Variants in RASGRF2 observed in about 807,000 individuals in gnomAD.
The protein encoded by RASGRF2 is ras-specific guanine nucleotide-releasing factor 2.
A neutral mutation model predicts 151.0 loss-of-function variants in RASGRF2; 76 were observed. The observed-to-expected ratio is 0.50, with a 90% confidence interval of 0.42 to 0.61. RASGRF2 has a LOEUF of 0.61. Ranked by LOEUF, RASGRF2 falls within the 20% of genes least tolerant of loss-of-function variation. The probability of loss-of-function intolerance (pLI) is 0.00; values close to 1 mark genes in which losing one functional copy is unlikely to be tolerated. For missense variants in RASGRF2, 1,148 were observed against 1,564.6 expected (o/e 0.73, Z 4.49); for synonymous variants, 504 against 566.5 (o/e 0.89, Z 1.57).
At chr5:81,094,196 G>T (rs924303415) in intron 10 of RASGRF2, 100 bp from the exon 11 acceptor site, 2 of 916,966 alleles carry the variant, frequency 2.2e-6, no homozygotes, top group African/African-American at 3.4e-5. Context: ...GAATTGCTAT[G>T]CTTTCTTCCA....
chr5:81,224,941 A>C (rs549356049), intron 26 of RASGRF2, among the ~76,000 whole-genome samples: 37 of 152,358 alleles, frequency 2.4e-4, no homozygotes, highest in African/African-American at 8.9e-4. Flanking sequence ...TGTTATCATG[A>C]AATGTATGTA....
intron 17 of RASGRF2, among the ~76,000 whole-genome samples, chr5:81,134,709 GAC>G (rs1226530611): frequency 1.3e-5 from 2 of 152,134 alleles, no homozygotes; most frequent in Non-Finnish European, 2.9e-5. Flanking sequence ...ACTTGTAGTA[GAC>G]TATACAGTAG....
chr5:81,207,442 C>A, intron 21 of RASGRF2, 93 bp downstream of exon 21: 1 of 1,024,206 alleles, frequency 9.8e-7, no homozygotes, highest in Non-Finnish European at 1.5e-6. Context: ...GTATGTCTGT[C>A]CCCTCAGTTC....
At chr5:81,031,507 G>A (rs746118899) in intron 1 of RASGRF2, among the ~76,000 whole-genome samples, 9 of 152,072 alleles carry the variant, frequency 5.9e-5, no homozygotes, top group South Asian at 2.1e-4. Context: ...ACTCAAAACC[G>A]CTCAACTACA....
chr5:81,039,022 T>C (rs1461329063), intron 1 of RASGRF2, among the ~76,000 whole-genome samples: 1 of 152,250 alleles, frequency 6.6e-6, no homozygotes, highest in Non-Finnish European at 1.5e-5. Flanking sequence ...TCTTTTTTTA[T>C]GATTTGGGCT....
At chr5:81,207,499 C>T (rs1755536650) in intron 21 of RASGRF2, 150 bp downstream of exon 21, 2 of 675,388 alleles carry the variant, frequency 3.0e-6, no homozygotes, top group South Asian at 1.9e-5. Context: ...ACTGGCACGC[C>T]TCTGTGTCCA....
chr5:81,018,802 CTTTTT>C (rs35247915), intron 1 of RASGRF2, among the ~76,000 whole-genome samples: 1 of 127,052 alleles, frequency 7.9e-6, no homozygotes. Flanking sequence ...TCCATCTGCA[CTTTTT>C]TTTTTTTTTT....
At chr5:80,989,168 T>C (rs927346709) in intron 1 of RASGRF2, among the ~76,000 whole-genome samples, 56 of 151,944 alleles carry the variant, frequency 3.7e-4, no homozygotes, top group African/African-American at 1.4e-3. Context: ...ATGGGGTTTC[T>C]CCATGTTGGC....
chr5:80,999,610 G>A (rs1749014429), intron 1 of RASGRF2, among the ~76,000 whole-genome samples: 1 of 152,018 alleles, frequency 6.6e-6, no homozygotes, highest in South Asian at 2.1e-4. Flanking sequence ...CCTCCTGCCT[G>A]GGTCTCCCAG....
Position 81,123,334 on chromosome 5 carries a change from C to T in RASGRF2, c.2471-308C>T, listed in dbSNP as rs148548713. ...GTTATCTTTCCCCACTCAGAGAAAG[C>T]AAAAACATTTGGAAGGGCAGGGGAT... On this transcript the variant is annotated intron_variant, in intron 15 of 26. Coordinates refer to ENST00000265080, the MANE Select transcript of RASGRF2 (RefSeq NM_006909.3). 8.1e-3 allele frequency among the ~76,000 whole-genome samples: 1,227 copies of T among 152,202 alleles called. 13 individuals carry two copies. Among genetic ancestry groups the T allele is most frequent in the African/African-American group, 0.028 (1,165 of 41,542 alleles).
intron 17 of RASGRF2, among the ~76,000 whole-genome samples, chr5:81,144,087 AC>A (rs1753948821): frequency 6.6e-6 from 1 of 152,180 alleles, no homozygotes; most frequent in African/African-American, 2.4e-5. Context: ...TTCTCAATGA[AC>A]TTTTTTGGGA....
At chr5:81,225,515 T>C (rs1755953079) in intron 26 of RASGRF2, among the ~76,000 whole-genome samples, 163 bp from the exon 27 acceptor site, 1 of 42,980 alleles carries the variant, frequency 2.3e-5, no homozygotes, top group African/African-American at 1.4e-4. Context: ...ATGTTCACCT[T>C]TTTTTTTTTT....
intron 1 of RASGRF2, among the ~76,000 whole-genome samples, chr5:81,025,002 T>G (rs1410125265): frequency 6.6e-6 from 1 of 152,214 alleles, no homozygotes; most frequent in East Asian, 1.9e-4. Context: ...AGCAGGGGTT[T>G]CCTCTGTGTG....
chr5:81,169,149 A>G (rs908909065), intron 17 of RASGRF2, among the ~76,000 whole-genome samples: 4 of 152,232 alleles, frequency 2.6e-5, no homozygotes, highest in African/African-American at 9.6e-5. Context: ...TATGTCTAAA[A>G]TCAAACTCTT....
intron 17 of RASGRF2, among the ~76,000 whole-genome samples, chr5:81,156,859 T>A (rs1415876945): frequency 6.6e-6 from 1 of 152,042 alleles, no homozygotes; most frequent in Non-Finnish European, 1.5e-5. Flanking sequence ...GTAGCCTGAT[T>A]AGAAAAGAGG....
At chr5:81,069,909 A>T (rs1751722117) in intron 3 of RASGRF2, 1 of 153,796 alleles carries the variant, frequency 6.5e-6, no homozygotes, top group African/African-American at 2.4e-5. Context: ...CACAGAACTG[A>T]GCTGGAGATA....
chr5:80,982,257 C>T (rs760882503), intron 1 of RASGRF2, among the ~76,000 whole-genome samples: 5 of 152,140 alleles, frequency 3.3e-5, no homozygotes, highest in Non-Finnish European at 7.3e-5. Flanking sequence ...CTCTGCCGTC[C>T]TGAAAGCCCG....
intron 17 of RASGRF2, among the ~76,000 whole-genome samples, chr5:81,155,026 G>A (rs1333456489): frequency 6.6e-6 from 1 of 152,134 alleles, no homozygotes; most frequent in Admixed American, 6.5e-5. Flanking sequence ...GCATTTTGCT[G>A]ATGATTAGTG....
At chr5:81,042,813 G>T in intron 1 of RASGRF2, 64 bp from the exon 2 acceptor site, 1 of 1,133,960 alleles carries the variant, frequency 8.8e-7, no homozygotes, top group South Asian at 1.3e-5. Context: ...GGCAGATACT[G>T]TGTTATTATG....
Sources: gnomAD v4.1 joint callset for allele counts (sites outside exome capture counted in the v4.1 genomes callset) on GRCh38, gnomAD v4.1.1 for gene constraint, MANE v1.5 for transcripts, NCBI Gene and HGNC (gene_info 2026-07-23, HGNC 2026-07-21) for gene names.